PCDHGA12: variants seen among roughly 807,000 people sequenced by gnomAD.
PCDHGA12 encodes the protein protocadherin gamma subfamily A, 12.
A neutral mutation model predicts 61.1 loss-of-function variants in PCDHGA12; 43 were observed. The observed-to-expected ratio is 0.70, with a 90% CI of 0.55 to 0.91. PCDHGA12 has a LOEUF of 0.91. Ranked by LOEUF, PCDHGA12 falls within the 40% of genes least tolerant of loss-of-function variation. The pLI, the probability that PCDHGA12 is intolerant of heterozygous loss-of-function variation, is 0.00. For synonymous variants in PCDHGA12, 520 were observed against 542.9 expected (o/e 0.96, Z 0.59); for missense variants, 1,236 against 1,227.7 (o/e 1.01, Z -0.10).
At position 141,491,462 on chromosome 5, in the gene PCDHGA12, T is replaced by C; in HGVS notation, c.2425-3345T>C. 1.2e-6 allele frequency: 2 copies of C among 1,614,004 alleles called. No individual in the cohort carries two copies. The highest frequency in any genetic ancestry group is 1.7e-6 in the Non-Finnish European group (2 of 1,179,978). ...CGCCAGGACTCACCCTCCCCGGACT[T>C]CTATAAGCAGTCCAGCCCCAACCTG... On this transcript the variant is annotated intron_variant, in intron 1 of 3. Coordinates refer to ENST00000252085, the MANE Select transcript of PCDHGA12 (RefSeq NM_003735.3). This position sits in a 1 kb window ranked among gnomAD's most constrained non-coding sequence, Gnocchi z 6.9.
intron 1 of PCDHGA12, among the ~76,000 whole-genome samples, chr5:141,450,123 T>G (rs565568384): frequency 2.4e-4 from 36 of 150,874 alleles, no homozygotes; most frequent in Non-Finnish European, 4.7e-4. Context: ...TCTCCTGCCT[T>G]AGCCTCCTGA....
At chr5:141,488,439 C>G (rs2099675441) in intron 1 of PCDHGA12, among the ~76,000 whole-genome samples, 1 of 152,206 alleles carries the variant, frequency 6.6e-6, no homozygotes, top group African/African-American at 2.4e-5. Context: ...TCTGACCACC[C>G]TCCTGGGTGA....
intron 1 of PCDHGA12, among the ~76,000 whole-genome samples, chr5:141,460,961 A>ATGTG (rs35821115): frequency 4.1e-5 from 6 of 144,616 alleles, no homozygotes; most frequent in South Asian, 2.2e-4. Context: ...GTATATATAT[A>ATGTG]TGTGTGTGTG....
rs1432960207 is a variant in PCDHGA12, at chr5:141,477,648, C to A, written c.2425-17159C>A. On this transcript the variant is annotated intron_variant, in intron 1 of 3. Coordinates refer to ENST00000252085, the MANE Select transcript of PCDHGA12 (RefSeq NM_003735.3). This position sits in a 1 kb window ranked among gnomAD's most constrained non-coding sequence, Gnocchi z 4.9. ...ACCGGGCTAGTGGGTCGCTATTTCA[C>A]AATAAATCGTGACAATGGCATAGTG... is the stretch of plus-strand genomic sequence containing the variant. 7 of 1,614,046 alleles carry A rather than the reference C, an allele frequency of 4.3e-6. No homozygotes were observed. Among genetic ancestry groups the A allele is most frequent in the Non-Finnish European group, 5.9e-6 (7 of 1,180,044 alleles).
intron 1 of PCDHGA12, among the ~76,000 whole-genome samples, chr5:141,451,403 G>A (rs2154563571): frequency 6.6e-6 from 1 of 152,288 alleles, no homozygotes; most frequent in South Asian, 2.1e-4. Context: ...GCAAAATTAA[G>A]TTCCTTGTGG....
At chr5:141,465,337 G>GCC (rs2099101328) in intron 1 of PCDHGA12, among the ~76,000 whole-genome samples, 6 of 151,962 alleles carry the variant, frequency 3.9e-5, no homozygotes, top group Admixed American at 2.6e-4. Flanking sequence ...TTTTTATATT[G>GCC]GTTACTGAAG....
chr5:141,478,424 G>A, intron 1 of PCDHGA12: 2 of 1,613,686 alleles, frequency 1.2e-6, no homozygotes, highest in African/African-American at 1.3e-5. Context: ...CCGCCGCAGC[G>A]ACCCGCTGCT....
At chr5:141,447,675 C>T (rs1416110491) in intron 1 of PCDHGA12, among the ~76,000 whole-genome samples, 13 of 152,064 alleles carry the variant, frequency 8.5e-5, no homozygotes, top group Admixed American at 8.5e-4. Context: ...TAGAACTGTT[C>T]CATATCTTGA....
chr5:141,456,835 C>T (rs1261094365), intron 1 of PCDHGA12, among the ~76,000 whole-genome samples: 3 of 152,000 alleles, frequency 2.0e-5, no homozygotes, highest in African/African-American at 4.8e-5. Flanking sequence ...TGGTAGTGGG[C>T]GCCTGTAATC....
intron 1 of PCDHGA12, chr5:141,442,062 G>A (rs1001398926): frequency 7.0e-5 from 13 of 185,900 alleles, no homozygotes; most frequent in Admixed American, 1.3e-4. Context: ...GGTGCACTGC[G>A]GTGGACAGCC....
chr5:141,490,061 A>G lies in PCDHGA12; in HGVS notation c.2425-4746A>G, dbSNP rs1562135413. On this transcript the variant is annotated intron_variant, in intron 1 of 3. Transcript: ENST00000252085. This position sits in a 1 kb window ranked among gnomAD's most constrained non-coding sequence, Gnocchi z 5.4. Reference sequence around the variant, plus strand: ...GCCACTGATCCAGACGAGGGCACCAACGGCCAACTAGACTATTCTTTTGGA... The same window carrying G: ...GCCACTGATCCAGACGAGGGCACCAGCGGCCAACTAGACTATTCTTTTGGA... 1.2e-6 allele frequency: 2 copies of G among 1,614,214 alleles called. No individual in the cohort carries two copies. Among genetic ancestry groups the G allele is most frequent in the East Asian group, 2.2e-5 (1 of 44,884 alleles).
At chr5:141,479,849 C>T (rs1014214860) in intron 1 of PCDHGA12, among the ~76,000 whole-genome samples, 7 of 152,208 alleles carry the variant, frequency 4.6e-5, no homozygotes. Context: ...AAGGTGACTG[C>T]AAGGCCTTTG....
At chr5:141,475,329 A>G (rs1229101617) in intron 1 of PCDHGA12, among the ~76,000 whole-genome samples, 1 of 152,266 alleles carries the variant, frequency 6.6e-6, no homozygotes, top group Non-Finnish European at 1.5e-5. Context: ...AATGAGAGCT[A>G]ACAATGACAT....
chr5:141,506,085 G>A lies in PCDHGA12; in HGVS notation c.2572+604G>A, dbSNP rs532931472. Among the ~76,000 whole-genome samples the A allele has an allele frequency of 2.6e-4, 39 of 152,168 alleles. 1 individual carries two copies. In the South Asian group the frequency reaches 2.9e-3, roughly 11 times the overall value. On this transcript the variant is annotated intron_variant, in intron 3 of 3. Coordinates refer to ENST00000252085, the MANE Select transcript of PCDHGA12 (RefSeq NM_003735.3). ...AGGGCTTCCTTTGTAATAGAGATTC[G>A]GCTAGTGGTGGTTGTCCCTGAAGAG...
At chr5:141,455,537 A>G (rs1158681837) in intron 1 of PCDHGA12, among the ~76,000 whole-genome samples, 2 of 152,162 alleles carry the variant, frequency 1.3e-5, no homozygotes, top group Non-Finnish European at 2.9e-5. Flanking sequence ...CAGGCATATC[A>G]TTCACGTAGC....
chr5:141,458,404 G>A lies in PCDHGA12; in HGVS notation c.2424+25221G>A, dbSNP rs183963289. Among the ~76,000 whole-genome samples the A allele has an allele frequency of 4.6e-5, 7 of 152,218 alleles. No homozygotes were observed. The East Asian group carries it at 5.8e-4, about 13-fold the overall frequency. ...GGAAGACGCTCCCCCTTGCAGAGAC[G>A]GAGCGGGGGTTCCAAAGCTGAAAGA... On this transcript the variant is annotated intron_variant, in intron 1 of 3. Transcript: ENST00000252085.
At chr5:141,454,471 A>C (rs774315258) in intron 1 of PCDHGA12, among the ~76,000 whole-genome samples, 7 of 152,198 alleles carry the variant, frequency 4.6e-5, no homozygotes, top group Non-Finnish European at 7.3e-5. Context: ...CAATGGCATG[A>C]TCTCAGCTCA....
intron 2 of PCDHGA12, among the ~76,000 whole-genome samples, chr5:141,498,889 C>T (rs1415870992): frequency 3.4e-5 from 5 of 146,174 alleles, no homozygotes; most frequent in African/African-American, 1.3e-4. Flanking sequence ...GCTGAGATCA[C>T]ACCACTGCAC....
chr5:141,460,511 AT>A (rs937107682), intron 1 of PCDHGA12, among the ~76,000 whole-genome samples: 2 of 152,168 alleles, frequency 1.3e-5, no homozygotes, highest in African/African-American at 4.8e-5. Flanking sequence ...TGAGAAGGCT[AT>A]CTTTTCCCCA....
Sources: gnomAD v4.1 joint callset for allele counts (sites outside exome capture counted in the v4.1 genomes callset) on GRCh38, gnomAD v4.1.1 for gene constraint, Gnocchi (gnomAD v3.1) non-coding constraint, MANE v1.5 for transcripts, NCBI Gene and HGNC (gene_info 2026-07-23, HGNC 2026-07-21) for gene names.